KIAA1217: variants seen among roughly 807,000 people sequenced by gnomAD.
KIAA1217 encodes KIAA1217.
KIAA1217 carries 88 observed loss-of-function variants against 163.9 expected under a neutral mutation model. The observed-to-expected ratio is 0.54, with a 90% CI of 0.45 to 0.64. The LOEUF is 0.64. Among genes scored for constraint, KIAA1217 ranks in the 30% least tolerant of loss-of-function variants. The pLI is 0.00. For missense variants in KIAA1217, 2,372 were observed against 2,475.0 expected (o/e 0.96, Z 0.88); for synonymous variants, 903 against 923.1 (o/e 0.98, Z 0.39).
Position 24,200,045 on chromosome 10 carries a change from C to A in KIAA1217, c.-170-19581C>A, listed in dbSNP as rs183915269. 1.4e-4 allele frequency among the ~76,000 whole-genome samples: 21 copies of A among 152,042 alleles called. No individual in the cohort carries two copies. The East Asian group carries it at 2.9e-3, about 21-fold the overall frequency. Reference sequence around the variant, plus strand: ...AACCCACAGTACACTGTCCTTCCCCCCCATGCACCCCTGCCCAGGCTTCAA... The same window carrying A: ...AACCCACAGTACACTGTCCTTCCCCACCATGCACCCCTGCCCAGGCTTCAA... On this transcript the variant is annotated intron_variant, in intron 2 of 18. Transcript: ENST00000376462.
intron 2 of KIAA1217, among the ~76,000 whole-genome samples, chr10:24,370,951 T>A (rs1396053291): frequency 6.6e-6 from 1 of 152,206 alleles, no homozygotes; most frequent in Non-Finnish European, 1.5e-5. Flanking sequence ...ATGAACGTAT[T>A]TCTGAAAGGG....
chr10:24,112,178 A>T (rs1403474903), intron 2 of KIAA1217, among the ~76,000 whole-genome samples: 1 of 152,218 alleles, frequency 6.6e-6, no homozygotes, highest in Non-Finnish European at 1.5e-5. Context: ...ATTGGAAGAA[A>T]GTAAAACGTC....
chr10:24,440,220 A>G (rs1182495001), intron 5 of KIAA1217, among the ~76,000 whole-genome samples: 2 of 152,236 alleles, frequency 1.3e-5, no homozygotes, highest in Non-Finnish European at 2.9e-5. Context: ...GTTATACTTT[A>G]TGTGTAAACC....
chr10:24,026,742 ATTTTTTT>A, intron 2 of KIAA1217, among the ~76,000 whole-genome samples: 2 of 70,094 alleles, frequency 2.9e-5, no homozygotes, highest in Non-Finnish European at 5.5e-5. Flanking sequence ...TATTTCATTG[ATTTTTTT>A]TTTTTTTTTT....
chr10:24,105,058 AGATGATGATGATGAT>A (rs71869676), intron 2 of KIAA1217, among the ~76,000 whole-genome samples: 1 of 151,016 alleles, frequency 6.6e-6, no homozygotes, highest in African/African-American at 2.4e-5. Context: ...TCCCACTGCA[AGATGATGATGATGAT>A]GATGATGATG....
At chr10:24,140,770 G>T (rs886755930) in intron 2 of KIAA1217, among the ~76,000 whole-genome samples, 2 of 152,242 alleles carry the variant, frequency 1.3e-5, no homozygotes, top group Admixed American at 6.5e-5. Flanking sequence ...TTATCTAAAG[G>T]CCGTGCTTGA....
At position 24,540,178 on chromosome 10, in the gene KIAA1217, G is replaced by A. The variant is rs373781861; in HGVS notation, c.3535-2515G>A. 2.6e-5 allele frequency among the ~76,000 whole-genome samples: 4 copies of A among 152,142 alleles called. No individual in the cohort carries two copies. In the East Asian group the frequency reaches 7.7e-4, roughly 29 times the overall value. ...TTTATCCTAGTGACTTTCCATTAGAGCATTTATGCTACTACTCAGTTTTAA... is the reference window on the plus strand; with the variant it reads ...TTTATCCTAGTGACTTTCCATTAGAACATTTATGCTACTACTCAGTTTTAA... On this transcript the variant is annotated intron_variant, in intron 17 of 20. Transcript: ENST00000376454.
chr10:24,088,389 G>A (rs1165999326), intron 2 of KIAA1217, among the ~76,000 whole-genome samples: 1 of 117,262 alleles, frequency 8.5e-6, no homozygotes, highest in East Asian at 2.0e-4. Flanking sequence ...TTGGTGTGCT[G>A]CACCCATTAA....
intron 2 of KIAA1217, among the ~76,000 whole-genome samples, chr10:24,011,072 G>A (rs533968117): frequency 1.1e-4 from 17 of 152,250 alleles, no homozygotes; most frequent in Admixed American, 1.1e-3. Context: ...AAGGCACTTG[G>A]CTAAGGTCAC....
At chr10:24,186,331 T>C (rs2066426877) in intron 2 of KIAA1217, among the ~76,000 whole-genome samples, 1 of 152,158 alleles carries the variant, frequency 6.6e-6, no homozygotes, top group Non-Finnish European at 1.5e-5. Context: ...GTGAGTAAAA[T>C]TCTTGAGTCA....
intron 1 of KIAA1217, among the ~76,000 whole-genome samples, chr10:23,878,378 T>C (rs567574287): frequency 1.3e-4 from 20 of 151,962 alleles, no homozygotes; most frequent in Non-Finnish European, 2.6e-4. Context: ...TCTTGATTCA[T>C]TTAAATGATT....
At chr10:23,839,639 T>G (rs1212434520) in intron 1 of KIAA1217, among the ~76,000 whole-genome samples, 1 of 152,180 alleles carries the variant, frequency 6.6e-6, no homozygotes, top group Non-Finnish European at 1.5e-5. Context: ...GTCATCTCTC[T>G]GTGTGAAGAG....
intron 1 of KIAA1217, among the ~76,000 whole-genome samples, chr10:23,958,655 GAGAA>G (rs913931254): frequency 2.6e-5 from 4 of 152,082 alleles, no homozygotes; most frequent in African/African-American, 4.8e-5. Context: ...TGGAAAATGA[GAGAA>G]AGAGAGAGAG....
At chr10:24,031,048 A>C (rs1008123500) in intron 2 of KIAA1217, among the ~76,000 whole-genome samples, 1 of 152,184 alleles carries the variant, frequency 6.6e-6, no homozygotes, top group Non-Finnish European at 1.5e-5. Context: ...ATCCCGACAA[A>C]TGGAATTGCT....
intron 2 of KIAA1217, among the ~76,000 whole-genome samples, chr10:24,359,082 C>CTTTTTTT (rs202024336): frequency 6.0e-4 from 49 of 81,538 alleles, no homozygotes; most frequent in Non-Finnish European, 7.4e-4. Context: ...TTCTTTCTTT[C>CTTTTTTT]TTTTTTTTTT....
intron 2 of KIAA1217, among the ~76,000 whole-genome samples, chr10:24,098,767 G>GAGAC (rs1368059512): frequency 6.6e-6 from 1 of 151,252 alleles, no homozygotes; most frequent in African/African-American, 2.4e-5. Context: ...GTGTTAGAGA[G>GAGAC]AGACAGACAG....
intron 2 of KIAA1217, among the ~76,000 whole-genome samples, chr10:24,150,219 G>T (rs1214071119): frequency 6.6e-6 from 1 of 152,146 alleles, no homozygotes; most frequent in Non-Finnish European, 1.5e-5. Context: ...GTTTCACCAT[G>T]TTGGCCAGGC....
chr10:24,470,071 T>C (rs1371462686), intron 5 of KIAA1217, among the ~76,000 whole-genome samples: 1 of 152,214 alleles, frequency 6.6e-6, no homozygotes, highest in Non-Finnish European at 1.5e-5. Context: ...TTTGTTTTGG[T>C]TGGTTATTGC....
In KIAA1217 at chr10:24,547,588, C is replaced by A. The variant is rs1473767981; in HGVS notation, c.*1264C>A. 1 of 152,184 alleles carries A rather than the reference C, an allele frequency of 6.6e-6. No individual in the cohort carries two copies. Among genetic ancestry groups the A allele is most frequent in the Non-Finnish European group, 1.5e-5 (1 of 68,036 alleles). The allele number at this position is 152,184 out of a possible 1,614,324, so 9.4% of individuals were successfully genotyped here. ...TCCGCTTTGAGGGATGTAACCACAT[C>A]CACTCAGAGGACACTACTTTTCTGA... On this transcript the variant is annotated 3_prime_UTR_variant, in exon 21 of 21. Transcript: ENST00000376454.
Sources: allele counts gnomAD v4.1 joint callset (sites outside exome capture counted in the v4.1 genomes callset), GRCh38; gene constraint gnomAD v4.1.1; transcripts MANE v1.5; gene names NCBI Gene and HGNC (gene_info 2026-07-23, HGNC 2026-07-21).